The following KIF26B variants were observed in gnomAD, a reference collection of about 807,000 sequenced individuals.
KIF26B encodes the protein kinesin family member 26B.
A neutral mutation model predicts 151.2 loss-of-function variants in KIF26B; 63 were observed. The observed-to-expected ratio is 0.42, with a 90% CI of 0.34 to 0.51. KIF26B has a LOEUF of 0.51. Ranked by LOEUF, KIF26B falls within the 20% of genes least tolerant of loss-of-function variation. The pLI is 0.07. For missense variants in KIF26B, 2,813 were observed against 2,913.6 expected (o/e 0.97, Z 0.79); for synonymous variants, 1,357 against 1,262.1 (o/e 1.08, Z -1.59).
intron 5 of KIF26B, among the ~76,000 whole-genome samples, chr1:245,550,352 C>T (rs1160499794): frequency 6.6e-6 from 1 of 152,216 alleles, no homozygotes; most frequent in African/African-American, 2.4e-5. Flanking sequence ...TCTTCAGTTT[C>T]CGCTGAGTTC....
chr1:245,625,661 A>G (rs918112363), intron 9 of KIF26B, among the ~76,000 whole-genome samples: 39 of 152,296 alleles, frequency 2.6e-4, no homozygotes, highest in Admixed American at 2.2e-3. Flanking sequence ...TTGAAAATAT[A>G]CAATAAATTA....
chr1:245,293,832 C>T (rs1003234816), intron 2 of KIF26B, among the ~76,000 whole-genome samples: 3 of 152,172 alleles, frequency 2.0e-5, no homozygotes, highest in African/African-American at 7.2e-5. Flanking sequence ...CCCGCCTCGG[C>T]CTCCCAAAGT....
Position 245,698,828 on chromosome 1 carries a change from C to T in KIF26B, c.6028-59C>T, listed in dbSNP as rs1334335423. On this transcript the variant is annotated intron_variant, in intron 13 of 14. Transcript: ENST00000407071. This position sits in a 1 kb window ranked among gnomAD's most constrained non-coding sequence, Gnocchi z 4.0. ...CCATCAACGATACTCACAGGTGCTC[C>T]TGTGGTGTGGGCTGGGTGTGAGCAG... 1.9e-6 allele frequency: 3 copies of T among 1,571,388 alleles called. No individual in the cohort carries two copies. In the Admixed American group the frequency reaches 5.3e-5, roughly 28 times the overall value.
chr1:245,224,522 C>A (rs1263262583), intron 2 of KIF26B, among the ~76,000 whole-genome samples: 1 of 152,240 alleles, frequency 6.6e-6, no homozygotes, highest in East Asian at 1.9e-4. Context: ...AGGGAAACAG[C>A]TGACAGCATT....
Position 245,264,075 on chromosome 1 carries a change from T to C in KIF26B, c.466-102759T>C, listed in dbSNP as rs78396013. Reference sequence around the variant, plus strand: ...ATACAAACACATGCAAAACTGAGATTTTGACCAAAACTTTGCTAGACACAA... The same window carrying C: ...ATACAAACACATGCAAAACTGAGATCTTGACCAAAACTTTGCTAGACACAA... On this transcript the variant is annotated intron_variant, in intron 2 of 14. Coordinates refer to ENST00000407071, the MANE Select transcript of KIF26B (RefSeq NM_018012.4). Among the ~76,000 whole-genome samples the C allele has an allele frequency of 3.9e-3, 597 of 152,320 alleles. 3 individuals carry two copies. The highest frequency in any genetic ancestry group is 0.014 in the African/African-American group (564 of 41,566).
At chr1:245,644,517 A>G (rs1368984361) in intron 9 of KIF26B, among the ~76,000 whole-genome samples, 1 of 152,148 alleles carries the variant, frequency 6.6e-6, no homozygotes, top group Non-Finnish European at 1.5e-5. Context: ...TTACTTTGTA[A>G]ATATTCTTAA....
chr1:245,438,167 T>C (rs959179663), intron 4 of KIF26B, among the ~76,000 whole-genome samples: 2 of 152,186 alleles, frequency 1.3e-5, no homozygotes, highest in African/African-American at 4.8e-5. Flanking sequence ...TTGGTTAGCC[T>C]CTTAAATGTT....
At chr1:245,327,376 G>A (rs1558390198) in intron 2 of KIF26B, among the ~76,000 whole-genome samples, 1 of 152,230 alleles carries the variant, frequency 6.6e-6, no homozygotes. Flanking sequence ...ATAAGTGGCA[G>A]CAGACCTTAC....
At chr1:245,617,989 G>T (rs1003800253) in intron 9 of KIF26B, among the ~76,000 whole-genome samples, 1 of 151,896 alleles carries the variant, frequency 6.6e-6, no homozygotes, top group Non-Finnish European at 1.5e-5. Context: ...CTCACCAATT[G>T]GGACCCCCTC....
chr1:245,368,356 T>C (rs139117729), intron 3 of KIF26B, among the ~76,000 whole-genome samples: 2 of 152,304 alleles, frequency 1.3e-5, no homozygotes, highest in East Asian at 3.9e-4. Flanking sequence ...GGATTTTTAA[T>C]GTAAGTGGCC....
chr1:245,598,508 G>A (rs114314061), intron 5 of KIF26B, among the ~76,000 whole-genome samples: 154 of 152,286 alleles, frequency 1.0e-3, no homozygotes, highest in African/African-American at 3.5e-3. Context: ...GCTCCGTGAC[G>A]AGGGAAAAAC....
At chr1:245,362,189 G>C (rs1672836403) in intron 2 of KIF26B, among the ~76,000 whole-genome samples, 2 of 151,266 alleles carry the variant, frequency 1.3e-5, no homozygotes, top group African/African-American at 4.9e-5. Flanking sequence ...AGGCGGATCA[G>C]GAGATGTAAA....
intron 4 of KIF26B, among the ~76,000 whole-genome samples, chr1:245,451,681 AC>A (rs1014980129): frequency 1.1e-4 from 16 of 144,064 alleles, no homozygotes; most frequent in African/African-American, 4.2e-4. Flanking sequence ...GCTTACTGCA[AC>A]CTCTGCCTCC....
At chr1:245,550,031 G>A (rs890053288) in intron 5 of KIF26B, among the ~76,000 whole-genome samples, 5 of 152,086 alleles carry the variant, frequency 3.3e-5, no homozygotes, top group African/African-American at 9.7e-5. Flanking sequence ...CGCCCGCCTC[G>A]GCTTCTCAAA....
intron 10 of KIF26B, among the ~76,000 whole-genome samples, chr1:245,669,386 A>G (rs540263580): frequency 6.6e-6 from 1 of 152,358 alleles, no homozygotes; most frequent in East Asian, 1.9e-4. Context: ...CACTATCAGG[A>G]GGTTGAAAAA....
At position 245,367,286 on chromosome 1, in the gene KIF26B, G is replaced by C. The variant is rs372898228; in HGVS notation, c.918G>C (p.Ser306=). The change falls in exon 3 of 15, where the codon TCG becomes TCC. Residue 306 remains serine, a synonymous_variant. Transcript: ENST00000407071. The surrounding 1 kb of genome is among the most constrained non-coding windows in gnomAD (Gnocchi z 4.2). The part of the protein sequence containing the change: ...TSPSNGNILN[S]VAIQAHQYLD... The stretch of plus-strand genomic sequence containing the variant: ...CAAGCAATGGGAACATCCTCAATTC[G>C]GTGGCCATCCAGGCTCACCAGTACC... 3.6e-4 allele frequency: 571 copies of C among 1,599,430 alleles called. No individual in the cohort carries two copies. Among genetic ancestry groups the C allele is most frequent in the Non-Finnish European group, 4.6e-4 (537 of 1,173,266 alleles).
rs184368998 is a variant in KIF26B at position 245,702,172 on chromosome 1, C to T, written c.6179-286C>T. ...CGTCTCTCAAATCCTGGGATCCATC[C>T]TGGATCCTCCATGGCTGGAGGTAGG... is the stretch of plus-strand genomic sequence containing the variant. On this transcript the variant is annotated intron_variant, in intron 14 of 14. Coordinates refer to ENST00000407071, the MANE Select transcript of KIF26B (RefSeq NM_018012.4). This position sits in a 1 kb window ranked among gnomAD's most constrained non-coding sequence, Gnocchi z 4.1. 6.6e-6 allele frequency among the ~76,000 whole-genome samples: 1 copy of T among 152,142 alleles called. No individual in the cohort carries two copies. Among genetic ancestry groups the T allele is most frequent in the East Asian group, 1.9e-4 (1 of 5,170 alleles).
At chr1:245,414,876 T>C (rs1266447096) in intron 3 of KIF26B, among the ~76,000 whole-genome samples, 7 of 152,206 alleles carry the variant, frequency 4.6e-5, no homozygotes, top group African/African-American at 1.7e-4. Flanking sequence ...CAAGTCTGTC[T>C]GGTGCTCAGG....
chr1:245,280,597 G>GTT (rs74163033), intron 2 of KIF26B, among the ~76,000 whole-genome samples: 133 of 104,460 alleles, frequency 1.3e-3, no homozygotes, highest in African/African-American at 3.1e-3. Flanking sequence ...GGAAGTTTTC[G>GTT]TTTTTTTTTT....
Sources: gnomAD v4.1 joint callset for allele counts (sites outside exome capture counted in the v4.1 genomes callset) on GRCh38, gnomAD v4.1.1 for gene constraint, Gnocchi (gnomAD v3.1) non-coding constraint, MANE v1.5 for transcripts, NCBI Gene and HGNC (gene_info 2026-07-23, HGNC 2026-07-21) for gene names.